Variants in DPP3 observed in about 807,000 individuals in gnomAD.
The protein encoded by DPP3 is dipeptidyl peptidase 3, also known as DPP III.
In DPP3, 64 loss-of-function variants were observed where a neutral mutation model predicts 89.8. The ratio of observed to expected loss-of-function variants is 0.71; its 90% CI spans 0.58 to 0.88. DPP3 has a LOEUF of 0.88. DPP3 is among the 40% of genes least tolerant of loss of function. The pLI is 0.00. For missense variants in DPP3, 835 were observed against 972.5 expected (o/e 0.86, Z 1.88); for synonymous variants, 377 against 404.3 (o/e 0.93, Z 0.81).
intron 16 of DPP3, among the ~76,000 whole-genome samples, chr11:66,502,205 A>G (rs954260430): frequency 1.3e-5 from 2 of 152,096 alleles, no homozygotes; most frequent in African/African-American, 4.8e-5. Context: ...AAGAAAGTAC[A>G]ATATCAAGGA....
intron 5 of DPP3, 82 bp from the exon 6 acceptor site, chr11:66,487,832 C>A: frequency 7.5e-7 from 1 of 1,336,524 alleles, no homozygotes. Context: ...GCCTTCTCCC[C>A]TAGGGTTGAC....
At position 66,485,098 on chromosome 11, in the gene DPP3, G is replaced by A. The variant is rs960756917; in HGVS notation, c.271-75G>A. The A allele has an allele frequency of 8.8e-5, 122 of 1,388,640 alleles. 1 individual carries two copies. Among genetic ancestry groups the A allele is most frequent in the Middle Eastern group, 2.1e-4 (1 of 4,788 alleles). The allele number at this position is 1,388,640 out of a possible 1,614,324, so 86.0% of individuals were successfully genotyped here. A position where few individuals can be genotyped will look rare whatever the true frequency, so the allele number is the denominator to read the frequency against. On this transcript the variant is annotated intron_variant, in intron 2 of 17. Coordinates refer to ENST00000531863, the MANE Select transcript of DPP3 (RefSeq NM_130443.4). ...CCACACTGGCTCTGCTGGGGCATTC[G>A]CATCTCAGGAGGAGGTGTCGCTGGG...
chr11:66,494,931 G>A (rs1201252039), intron 12 of DPP3, among the ~76,000 whole-genome samples: 2 of 152,152 alleles, frequency 1.3e-5, no homozygotes, highest in Admixed American at 6.5e-5. Context: ...AGGACTTGGG[G>A]CAAGTCCCTC....
intron 1 of DPP3, chr11:66,480,928 T>A (rs1317610641): frequency 1.9e-5 from 3 of 158,398 alleles, no homozygotes; most frequent in Admixed American, 1.3e-4. Context: ...GGAAAAGGCA[T>A]TTAGAGGGAT....
chr11:66,485,136 G>C, intron 2 of DPP3, 37 bp from the exon 3 acceptor site: 1 of 1,599,234 alleles, frequency 6.3e-7, no homozygotes, highest in East Asian at 2.2e-5. Flanking sequence ...CAGGGAGGCT[G>C]TGCTTCCTGG....
Position 66,491,640 on chromosome 11 carries a change from C to T in DPP3, c.929+16C>T. On this transcript the variant is annotated intron_variant, in intron 8 of 17. Coordinates refer to ENST00000531863, the MANE Select transcript of DPP3 (RefSeq NM_130443.4). ...TCGTGGAGAGGTGAGGCGCCAGCTC[C>T]ACCCCACCTGCCCCCTCCTGCCTGC... 6.2e-7 allele frequency: 1 copy of T among 1,611,130 alleles called. No individual in the cohort carries two copies. Among genetic ancestry groups the T allele is most frequent in the Non-Finnish European group, 8.5e-7 (1 of 1,177,662 alleles).
chr11:66,493,751 G>A lies in DPP3; in HGVS notation c.1389+118G>A, dbSNP rs979150171. ...CCCTCAGGAGCTATGGGTTGAGTGG[G>A]GAAAATGGCCCCTTAGGCAGAGAAG... On this transcript the variant is annotated intron_variant, in intron 12 of 17. Coordinates refer to ENST00000531863, the MANE Select transcript of DPP3 (RefSeq NM_130443.4). 7.4e-6 allele frequency: 8 copies of A among 1,082,096 alleles called. No individual in the cohort carries two copies. The Middle Eastern group carries it at 1.0e-3, about 139-fold the overall frequency. The allele number at this position is 1,082,096 out of a possible 1,614,324, so 67.0% of individuals were successfully genotyped here. A position where few individuals can be genotyped will look rare whatever the true frequency, so the allele number is the denominator to read the frequency against.
In DPP3 at chr11:66,504,688, C is replaced by T. The variant is rs769319233; in HGVS notation, c.1955C>T (p.Pro652Leu). 2.0e-5 allele frequency: 32 copies of T among 1,613,258 alleles called. No homozygotes were observed. The African/African-American group carries it at 3.3e-4, about 17-fold the overall frequency. ...EGYATVTDAP[P>L]ECFLTLRDTV... ...TATGCAACAGTCACTGATGCGCCCCCCGAGTGCTTCCTCACCCTCAGGGAC... is the reference window on the plus strand; with the variant it reads ...TATGCAACAGTCACTGATGCGCCCCTCGAGTGCTTCCTCACCCTCAGGGAC... Residue 652 changes from proline (P) to leucine (L), a missense_variant, in exon 17 of 18, where the codon CCC (proline) becomes CTC (leucine). Physicochemically the swap from Pro to Leu is moderately conservative, Grantham distance 98. Transcript: ENST00000531863.
rs747545414 is a variant in DPP3 at position 66,509,200 on chromosome 11, C to A, written c.2163C>A (p.Ala721=). 6.2e-7 allele frequency: 1 copy of A among 1,613,942 alleles called. No homozygotes were observed. Among genetic ancestry groups the A allele is most frequent in the Admixed American group, 1.7e-5 (1 of 59,962 alleles). ...LEEILTQLAT[A]DARFWKGPSE... The stretch of plus-strand genomic sequence containing the variant: ...AGATCCTCACACAGCTGGCCACAGC[C>A]GATGCCCGATTCTGGAAGGGCCCCA... The change falls in exon 18 of 18, where the codon GCC becomes GCA. Residue 721 remains alanine, a synonymous_variant. Coordinates refer to ENST00000531863, the MANE Select transcript of DPP3 (RefSeq NM_130443.4).
At chr11:66,490,122 G>C (rs1490854160) in intron 6 of DPP3, among the ~76,000 whole-genome samples, 6 of 140,772 alleles carry the variant, frequency 4.3e-5, no homozygotes, top group African/African-American at 1.6e-4. Flanking sequence ...GAGATCAACT[G>C]GGCAACCTTA....
chr11:66,493,163 T>C lies in DPP3; in HGVS notation c.1280T>C (p.Leu427Pro). ...YATQREKLTFLEEDDKDLYIL... is the reference protein window; with the variant it reads ...YATQREKLTFPEEDDKDLYIL... ...ACGCAGCGGGAGAAGCTTACCTTTC[T>C]GGAGGAGGATGACAAGGTGGGCGCC... Residue 427 changes from leucine (L) to proline (P), a missense_variant, in exon 11 of 18, where the codon CTG (leucine) becomes CCG (proline). By Grantham distance (98) the Leu-to-Pro change is moderately conservative (BLOSUM62 -3). Transcript: ENST00000531863. 6.2e-7 allele frequency: 1 copy of C among 1,613,850 alleles called. No individual in the cohort carries two copies. Among genetic ancestry groups the C allele is most frequent in the Non-Finnish European group, 8.5e-7 (1 of 1,179,988 alleles).
intron 17 of DPP3, among the ~76,000 whole-genome samples, chr11:66,508,839 A>G (rs144988200): frequency 2.6e-5 from 4 of 152,228 alleles, no homozygotes; most frequent in African/African-American, 9.6e-5. Flanking sequence ...TCTTTATTTG[A>G]TTGACTGAAT....
intron 17 of DPP3, among the ~76,000 whole-genome samples, chr11:66,508,594 C>G (rs1261396485): frequency 1.3e-5 from 2 of 152,198 alleles, no homozygotes; most frequent in African/African-American, 4.8e-5. Context: ...ACGATCTCTG[C>G]TCACCGCAAC....
chr11:66,504,564 A>G (rs113143638), intron 16 of DPP3, 48 bp from the exon 17 acceptor site: 2 of 1,556,844 alleles, frequency 1.3e-6, no homozygotes, highest in Non-Finnish European at 1.7e-6. Context: ...AGCCCTGTGG[A>G]CACCGGGTAA....
rs2134732457 is a variant in DPP3 at position 66,492,723 on chromosome 11, A to G, written c.996A>G (p.Val332=). 1.3e-6 allele frequency: 2 copies of G among 1,590,480 alleles called. No homozygotes were observed. Among genetic ancestry groups the G allele is most frequent in the East Asian group, 2.2e-5 (1 of 44,666 alleles). Residue 332 remains valine (V), a synonymous_variant, in exon 10 of 18, where the codon GTA becomes GTG. Coordinates refer to ENST00000531863, the MANE Select transcript of DPP3 (RefSeq NM_130443.4). ...CCCCTCCCTCCTCTGCAGGTTTCGT[A>G]GCTGTGGTGAACAAGGCCATGAGTG... ...FGSRGEFEGF[V]AVVNKAMSAK... is the part of the protein sequence containing the mutation.
chr11:66,497,891 T>TA (rs566236707), intron 16 of DPP3, among the ~76,000 whole-genome samples: 1,647 of 138,278 alleles, frequency 0.012, 15 homozygotes, highest in Middle Eastern at 0.022. Flanking sequence ...ACCCTATCTC[T>TA]AAAAAAAAAA....
chr11:66,495,614 C>T lies in DPP3; in HGVS notation c.1578-16C>T. Reference sequence around the variant, plus strand: ...CAGCCTCTGACCATCCTGCCACCTGCCTGCCCCTCTCACAGGATCTTTGGC... The same window carrying T: ...CAGCCTCTGACCATCCTGCCACCTGTCTGCCCCTCTCACAGGATCTTTGGC... On this transcript the variant is annotated splice_polypyrimidine_tract_variant and intron_variant, in intron 14 of 17. Coordinates refer to ENST00000531863, the MANE Select transcript of DPP3 (RefSeq NM_130443.4). 6.2e-6 allele frequency: 10 copies of T among 1,614,108 alleles called. No homozygotes were observed. Among genetic ancestry groups the T allele is most frequent in the Non-Finnish European group, 7.6e-6 (9 of 1,180,020 alleles).
At chr11:66,492,572 G>T in intron 9 of DPP3, 144 bp from the exon 10 acceptor site, 1 of 978,184 alleles carries the variant, frequency 1.0e-6, no homozygotes, top group East Asian at 2.6e-5. Context: ...GTAGGGCCCA[G>T]GCCTGGGTCA....
At chr11:66,490,145 TAAAA>T (rs201526861) in intron 6 of DPP3, among the ~76,000 whole-genome samples, 224 of 94,768 alleles carry the variant, frequency 2.4e-3, no homozygotes, top group African/African-American at 7.0e-3. Flanking sequence ...AGATCCTATC[TAAAA>T]AAAAAAAAAA....
Sources: allele counts gnomAD v4.1 joint callset (sites outside exome capture counted in the v4.1 genomes callset), GRCh38; gene constraint gnomAD v4.1.1; transcripts MANE v1.5; gene names NCBI Gene and HGNC (gene_info 2026-07-23, HGNC 2026-07-21).